PHACTR2: variants seen among roughly 807,000 people sequenced by gnomAD.
PHACTR2 encodes chromosome 6 open reading frame 56.
A neutral mutation model predicts 76.0 loss-of-function variants in PHACTR2; 30 were observed. The ratio of observed to expected loss-of-function variants is 0.39; its 90% confidence interval spans 0.30 to 0.54. The LOEUF (loss-of-function observed/expected upper bound fraction) is 0.54, where lower values mean the gene tolerates loss of function less well. PHACTR2 is among the 20% of genes least tolerant of loss of function. The probability of loss-of-function intolerance (pLI) is 0.61; values close to 1 mark genes in which losing one functional copy is unlikely to be tolerated. For synonymous variants in PHACTR2, 292 were observed against 292.5 expected (o/e 1.00, Z 0.02); for missense variants, 696 against 781.1 (o/e 0.89, Z 1.30).
At position 143,571,195 on chromosome 6, in the gene PHACTR2, A is replaced by C. The variant is rs1215752991; in HGVS notation, c.217+33988A>C. Among the ~76,000 whole-genome samples the C allele has an allele frequency of 5.3e-5, 8 of 152,138 alleles. No individual in the cohort carries two copies. Among genetic ancestry groups the C allele is most frequent in the Admixed American group, 5.2e-4 (8 of 15,280 alleles). Reference sequence around the variant, plus strand: ...CTGCAGCTGTCATTCAAATTTAGCCAATTATCCCACTAACAATTATCATTG... The same window carrying C: ...CTGCAGCTGTCATTCAAATTTAGCCCATTATCCCACTAACAATTATCATTG... On this transcript the variant is annotated intron_variant, in intron 1 of 11. Coordinates refer to the PHACTR2 transcript ENST00000367584. The surrounding 1 kb of genome is among the most constrained non-coding windows in gnomAD (Gnocchi z 4.6).
At chr6:143,769,753 C>T (rs1775045604) in intron 6 of PHACTR2, among the ~76,000 whole-genome samples, 1 of 152,150 alleles carries the variant, frequency 6.6e-6, no homozygotes, top group Admixed American at 6.5e-5. Flanking sequence ...CAAATTTGTT[C>T]TGTTATTCAG....
Position 143,793,983 on chromosome 6 carries a change from A to G in PHACTR2, c.1845+5073A>G, listed in dbSNP as rs1392386210. Among the ~76,000 whole-genome samples the G allele has an allele frequency of 6.6e-5, 10 of 152,192 alleles. No homozygotes were observed. The highest frequency in any genetic ancestry group is 1.7e-4 in the African/African-American group (7 of 41,548). ...AAATAGAAAAATGCAACAATTTAAG[A>G]TGTTTATGTGTAGTATATTGTATAT... is the stretch of plus-strand genomic sequence containing the variant. On this transcript the variant is annotated intron_variant, in intron 11 of 12. Coordinates refer to ENST00000440869, the MANE Select transcript of PHACTR2 (RefSeq NM_001100164.2). This position sits in a 1 kb window ranked among gnomAD's most constrained non-coding sequence, Gnocchi z 4.4.
At chr6:143,705,114 C>T (rs12528079) in intron 1 of PHACTR2, among the ~76,000 whole-genome samples, 27,472 of 150,498 alleles carry the variant, frequency 0.18, 2,802 homozygotes, top group Middle Eastern at 0.29. Context: ...CGTGAGCCAC[C>T]GCGCCCGGCC....
At chr6:143,636,750 T>A (rs1276800967) in intron 1 of PHACTR2, among the ~76,000 whole-genome samples, 5 of 152,250 alleles carry the variant, frequency 3.3e-5, no homozygotes, top group Non-Finnish European at 7.3e-5. Context: ...TTGTATATTA[T>A]TGTTTTCATT....
intron 12 of PHACTR2, among the ~76,000 whole-genome samples, chr6:143,815,346 T>C (rs1776274954): frequency 6.6e-6 from 1 of 151,884 alleles, no homozygotes; most frequent in African/African-American, 2.4e-5. Flanking sequence ...AGCCCCAGAG[T>C]TCCAGGCAGC....
intron 1 of PHACTR2, among the ~76,000 whole-genome samples, chr6:143,626,892 T>C (rs1235084990): frequency 6.6e-6 from 1 of 152,238 alleles, no homozygotes; most frequent in Non-Finnish European, 1.5e-5. Context: ...TTCAATTTAA[T>C]ATATTGATAT....
upstream of PHACTR2, chr6:143,608,163 C>A: frequency 2.7e-6 from 2 of 746,452 alleles, no homozygotes; most frequent in Middle Eastern, 3.0e-4. The surrounding 1 kb of genome is among the most constrained non-coding windows in gnomAD (Gnocchi z 4.6). Context: ...AATTTCCTGG[C>A]GGTGTCTCCT....
At chr6:143,564,912 G>C (rs1174040819) in intron 1 of PHACTR2, among the ~76,000 whole-genome samples, 1 of 146,410 alleles carries the variant, frequency 6.8e-6, no homozygotes, top group African/African-American at 2.5e-5. Context: ...ATCACAAGTA[G>C]AGATGCTCCC....
rs1421325581 is a variant in PHACTR2 at position 143,776,208 on chromosome 6, A to G, written c.1590-1120A>G. On this transcript the variant is annotated intron_variant, in intron 8 of 12. Coordinates refer to ENST00000440869, the MANE Select transcript of PHACTR2 (RefSeq NM_001100164.2). The surrounding 1 kb of genome is among the most constrained non-coding windows in gnomAD (Gnocchi z 5.3). ...TAAAGTCATTTCCTTTAAAAACAGA[A>G]GCAAAGAAAAATTCCTTAACCTTAC... Among the ~76,000 whole-genome samples, 1 of 152,208 alleles carries G rather than the reference A, an allele frequency of 6.6e-6. No individual in the cohort carries two copies. Among genetic ancestry groups the G allele is most frequent in the African/African-American group, 2.4e-5 (1 of 41,466 alleles).
rs192760905 is a variant in PHACTR2 at position 143,669,227 on chromosome 6, T to C, written c.14-42789T>C. 8.9e-4 allele frequency among the ~76,000 whole-genome samples: 135 copies of C among 152,296 alleles called. 2 individuals carry two copies. The highest frequency in any genetic ancestry group is 5.7e-4 in the Non-Finnish European group (39 of 68,010). On this transcript the variant is annotated intron_variant, in intron 1 of 11. Coordinates refer to the PHACTR2 transcript ENST00000305766. ...TGAGTTCTAATTTGATTGCACTGTG[T>C]TCTGAGAGACAGTTTGTTGTGATTT...
rs1056422726 is a variant in PHACTR2, at chr6:143,811,784, T to C, written c.1922+4651T>C. Among the ~76,000 whole-genome samples the C allele has an allele frequency of 6.6e-6, 1 of 152,188 alleles. No individual in the cohort carries two copies. Among genetic ancestry groups the C allele is most frequent in the Non-Finnish European group, 1.5e-5 (1 of 68,024 alleles). On this transcript the variant is annotated intron_variant, in intron 12 of 12. Coordinates refer to ENST00000440869, the MANE Select transcript of PHACTR2 (RefSeq NM_001100164.2). This position sits in a 1 kb window ranked among gnomAD's most constrained non-coding sequence, Gnocchi z 4.1. ...ATGATTTTCAAGCTGTTTTCAGTAA[T>C]TCTTTTAAGGGGAAAAAGTTCTGGT...
intron 2 of PHACTR2, among the ~76,000 whole-genome samples, chr6:143,714,662 G>A (rs566408584): frequency 2.9e-4 from 44 of 152,264 alleles, no homozygotes; most frequent in African/African-American, 1.0e-3. Context: ...TTCAGTGTCT[G>A]GCTGTTAGAT....
intron 1 of PHACTR2, among the ~76,000 whole-genome samples, chr6:143,559,294 A>G (rs556851557): frequency 4.3e-4 from 66 of 152,230 alleles, no homozygotes; most frequent in South Asian, 1.0e-3. Flanking sequence ...TGCATCTCTC[A>G]GGCTATTAAG....
chr6:143,815,702 T>G (rs2144222), intron 12 of PHACTR2, among the ~76,000 whole-genome samples: 44,261 of 151,776 alleles, frequency 0.29, 6,481 homozygotes, highest in East Asian at 0.41. Context: ...AGACCAGCCT[T>G]GCCAACATGG....
rs1775310101 is a variant in PHACTR2, at chr6:143,777,449, C to T, written c.1645+66C>T. 1.0e-5 allele frequency: 8 copies of T among 762,528 alleles called. No homozygotes were observed. Among genetic ancestry groups the T allele is most frequent in the Admixed American group, 5.3e-5 (2 of 37,996 alleles). The allele number at this position is 762,528 out of a possible 1,614,324, so 47.2% of individuals were successfully genotyped here. A position where few individuals can be genotyped will look rare whatever the true frequency, so the allele number is the denominator to read the frequency against. On this transcript the variant is annotated intron_variant, in intron 9 of 12. Transcript: ENST00000440869. The surrounding 1 kb of genome is among the most constrained non-coding windows in gnomAD (Gnocchi z 4.6). ...CTAACAAGCTGCCTCTACAGATGAT[C>T]GATTTATCAGTAAGAAACCATCATA... is the stretch of plus-strand genomic sequence containing the variant.
At position 143,654,275 on chromosome 6, in the gene PHACTR2, C is replaced by T. The variant is rs1776809346; in HGVS notation, c.13+45953C>T. 6.6e-6 allele frequency among the ~76,000 whole-genome samples: 1 copy of T among 152,126 alleles called. No individual in the cohort carries two copies. Among genetic ancestry groups the T allele is most frequent in the Admixed American group, 6.5e-5 (1 of 15,274 alleles). Reference sequence around the variant, plus strand: ...AAAATGATATAGTCACTTTAGAAAACACTCTGGCAGTTCCTCAAACAATCA... The same window carrying T: ...AAAATGATATAGTCACTTTAGAAAATACTCTGGCAGTTCCTCAAACAATCA... On this transcript the variant is annotated intron_variant, in intron 1 of 11. Transcript: ENST00000305766. This position sits in a 1 kb window ranked among gnomAD's most constrained non-coding sequence, Gnocchi z 4.6.
rs1779158594 is a variant in PHACTR2, at chr6:143,750,492, TCG to T, written c.295+1428_295+1429del. 6.6e-6 allele frequency among the ~76,000 whole-genome samples: 1 copy of T among 152,168 alleles called. No individual in the cohort carries two copies. The highest frequency in any genetic ancestry group is 1.5e-5 in the Non-Finnish European group (1 of 68,034). Reference sequence around the variant, plus strand: ...GATGGGCCAATGCATTTATTAGACATCGTTTATTTAGAAATATTTTAAAGAAA... The same window carrying T: ...GATGGGCCAATGCATTTATTAGACATTTTATTTAGAAATATTTTAAAGAAA... On this transcript the variant is annotated intron_variant, in intron 3 of 12. Coordinates refer to ENST00000440869, the MANE Select transcript of PHACTR2 (RefSeq NM_001100164.2). The surrounding 1 kb of genome is among the most constrained non-coding windows in gnomAD (Gnocchi z 4.6).
At chr6:143,797,714 T>C (rs887095075) in intron 11 of PHACTR2, among the ~76,000 whole-genome samples, 1 of 152,094 alleles carries the variant, frequency 6.6e-6, no homozygotes, top group African/African-American at 2.4e-5. Context: ...AAAGATCAGG[T>C]GGTGGATGTG....
chr6:143,773,974 T>C (rs1775213051), intron 7 of PHACTR2, 85 bp from the exon 8 acceptor site: 1 of 1,150,956 alleles, frequency 8.7e-7, no homozygotes, highest in Non-Finnish European at 1.2e-6. Flanking sequence ...GTCTGGGCTC[T>C]ATTTAAAGTC....
Sources: allele counts gnomAD v4.1 joint callset (sites outside exome capture counted in the v4.1 genomes callset), GRCh38; gene constraint gnomAD v4.1.1; non-coding constraint Gnocchi (gnomAD v3.1); transcripts MANE v1.5; gene names NCBI Gene and HGNC (gene_info 2026-07-23, HGNC 2026-07-21).